HEATR5B: variants seen among roughly 807,000 people sequenced by gnomAD.
HEATR5B encodes HEAT repeat-containing protein 5B.
A neutral mutation model predicts 224.1 loss-of-function variants in HEATR5B; 156 were observed. The ratio of observed to expected loss-of-function variants is 0.70; its 90% CI spans 0.61 to 0.80. HEATR5B has a LOEUF of 0.80. HEATR5B is among the 30% of genes least tolerant of loss of function. The pLI is 0.00. For missense variants in HEATR5B, 2,323 were observed against 2,535.5 expected (o/e 0.92, Z 1.80); for synonymous variants, 1,027 against 893.0 (o/e 1.15, Z -2.68).
At chr2:36,986,149 T>C (rs1049407502) in intron 35 of HEATR5B, among the ~76,000 whole-genome samples, 1 of 152,194 alleles carries the variant, frequency 6.6e-6, no homozygotes, top group Admixed American at 6.5e-5. Flanking sequence ...TCCTCATCTT[T>C]ATGGAATTTA....
intron 10 of HEATR5B, among the ~76,000 whole-genome samples, chr2:37,062,652 C>A (rs577708916): frequency 6.6e-6 from 1 of 152,300 alleles, no homozygotes; most frequent in African/African-American, 2.4e-5. Context: ...AATAGGAATG[C>A]CTATCTCAGC....
At chr2:37,008,444 A>G in intron 28 of HEATR5B, 167 bp downstream of exon 28, 1 of 613,734 alleles carries the variant, frequency 1.6e-6, no homozygotes, top group Non-Finnish European at 2.9e-6. Context: ...TCTTCTATCT[A>G]CAAATTCAAT....
At chr2:37,028,325 A>G (rs1025399199) in intron 23 of HEATR5B, 151 bp from the exon 24 acceptor site, 1 of 500,052 alleles carries the variant, frequency 2.0e-6, no homozygotes, top group South Asian at 6.3e-5. Flanking sequence ...TTTTTTAAAC[A>G]ATCAAAAGCC....
intron 5 of HEATR5B, among the ~76,000 whole-genome samples, chr2:37,072,748 A>G (rs1671982458): frequency 6.6e-6 from 1 of 152,146 alleles, no homozygotes; most frequent in Non-Finnish European, 1.5e-5. Flanking sequence ...AGTCAGGCTG[A>G]TCAGGAAAAA....
At chr2:36,982,383 G>A (rs1431789056) in intron 35 of HEATR5B, among the ~76,000 whole-genome samples, 2 of 152,048 alleles carry the variant, frequency 1.3e-5, no homozygotes, top group East Asian at 1.9e-4. Flanking sequence ...GTATTTATTT[G>A]GAGGCTTCAT....
chr2:36,995,806 C>T (rs1049720486), intron 33 of HEATR5B, among the ~76,000 whole-genome samples: 2 of 152,172 alleles, frequency 1.3e-5, no homozygotes, highest in African/African-American at 4.8e-5. Context: ...ATAGTTATCA[C>T]ACATTTTCAT....
chr2:37,003,502 A>G (rs1416243152), intron 31 of HEATR5B, 40 bp downstream of exon 31: 6 of 1,399,596 alleles, frequency 4.3e-6, no homozygotes, highest in Non-Finnish European at 5.9e-6. Flanking sequence ...AGAGTATAAA[A>G]TAAGATTTAC....
chr2:37,029,432 G>C (rs905146678), intron 22 of HEATR5B, among the ~76,000 whole-genome samples: 7 of 152,212 alleles, frequency 4.6e-5, no homozygotes, highest in Admixed American at 4.6e-4. Flanking sequence ...GGGAGGCTGA[G>C]GCAGGTGGAT....
chr2:37,034,660 G>A (rs922197459), intron 21 of HEATR5B, among the ~76,000 whole-genome samples: 1 of 144,922 alleles, frequency 6.9e-6, no homozygotes, highest in African/African-American at 2.5e-5. Context: ...AGGCTGGTGT[G>A]CAGTGTCACA....
chr2:37,028,582 C>G (rs1181274137), intron 23 of HEATR5B, 99 bp downstream of exon 23: 1 of 866,242 alleles, frequency 1.2e-6, no homozygotes, highest in African/African-American at 1.7e-5. Flanking sequence ...TAAATAAAAC[C>G]TATAATTTAC....
chr2:37,038,234 G>A lies in HEATR5B; in HGVS notation c.3047-210C>T, dbSNP rs1250587041. ...GGCTCACTGCAACCTCCGCCTCCCA[G>A]GTTCAAGCAATTCTCCTGCCTCAGC... On this transcript the variant is annotated intron_variant, in intron 20 of 35. Transcript: ENST00000233099. Among the ~76,000 whole-genome samples the A allele has an allele frequency of 2.0e-5, 3 of 152,032 alleles. No individual in the cohort carries two copies. In the East Asian group the frequency reaches 5.8e-4, roughly 29 times the overall value.
intron 6 of HEATR5B, among the ~76,000 whole-genome samples, chr2:37,070,660 T>C (rs1671851755): frequency 6.6e-6 from 1 of 152,134 alleles, no homozygotes; most frequent in Non-Finnish European, 1.5e-5. Flanking sequence ...TGTAACACAA[T>C]AAGGACAAAG....
intron 12 of HEATR5B, among the ~76,000 whole-genome samples, chr2:37,059,438 GTGTGTGTGTA>G (rs1282208900): frequency 9.7e-5 from 8 of 82,486 alleles, no homozygotes; most frequent in South Asian, 5.3e-4. Flanking sequence ...GTGTGTGTGT[GTGTGTGTGTA>G]TATATATATA....
intron 27 of HEATR5B, among the ~76,000 whole-genome samples, chr2:37,010,169 A>G (rs1667698319): frequency 6.6e-6 from 1 of 152,194 alleles, no homozygotes; most frequent in African/African-American, 2.4e-5. Flanking sequence ...ACAAAGCTGA[A>G]TAACGTATTA....
chr2:37,069,237 GA>G (rs1671766447), intron 7 of HEATR5B, among the ~76,000 whole-genome samples: 1 of 152,150 alleles, frequency 6.6e-6, no homozygotes, highest in African/African-American at 2.4e-5. Context: ...ACAGAAACAA[GA>G]AAACCTTAAC....
chr2:36,997,420 C>T (rs1286501621), intron 33 of HEATR5B, among the ~76,000 whole-genome samples: 2 of 152,082 alleles, frequency 1.3e-5, no homozygotes, highest in Non-Finnish European at 2.9e-5. Context: ...AACTCCTCTG[C>T]TCAAGCGATC....
intron 18 of HEATR5B, among the ~76,000 whole-genome samples, chr2:37,043,098 T>C (rs1370243078): frequency 1.3e-5 from 2 of 152,182 alleles, no homozygotes; most frequent in African/African-American, 4.8e-5. Context: ...ATGTTAGAGT[T>C]GAGCAAACTT....
Position 37,008,752 on chromosome 2 carries a change from T to C in HEATR5B, c.4381A>G (p.Ile1461Val). ...AAACTATCTGGTGGCAGTTCATCGATGGTACCACAGTCGTCATCATCATCG... is the reference window on the plus strand; with the variant it reads ...AAACTATCTGGTGGCAGTTCATCGACGGTACCACAGTCGTCATCATCATCG... Reference protein sequence around the residue: ...TDDDDDDCGTIDELPPDSLIT... With the variant: ...TDDDDDDCGTVDELPPDSLIT... The change falls in exon 28 of 36, where the codon ATC (isoleucine) becomes GTC (valine). Residue 1461 changes from isoleucine (I) to valine (V), a missense_variant. Ile to Val is a conservative substitution (Grantham distance 29, BLOSUM62 3). Coordinates refer to ENST00000233099, the MANE Select transcript of HEATR5B (RefSeq NM_019024.3). The C allele has an allele frequency of 6.2e-7, 1 of 1,614,100 alleles. No individual in the cohort carries two copies. Among genetic ancestry groups the C allele is most frequent in the Non-Finnish European group, 8.5e-7 (1 of 1,179,940 alleles).
chr2:36,988,703 C>T lies in HEATR5B; in HGVS notation c.5854G>A (p.Val1952Ile). 1 of 1,614,104 alleles carries T rather than the reference C, an allele frequency of 6.2e-7. No homozygotes were observed. The highest frequency in any genetic ancestry group is 8.5e-7 in the Non-Finnish European group (1 of 1,179,994). Residue 1952 changes from valine to isoleucine, a missense_variant, in exon 35 of 36, where the codon GTT (valine) becomes ATT (isoleucine). Transcript: ENST00000233099. ...TCAAGAACTTTTATTCCTTCTTGAA[C>T]CGCTAAAAGCTCTATGTTACTGGCT... ...RPASNIELLAVQEGIKVLETL... is the reference protein window; with the variant it reads ...RPASNIELLAIQEGIKVLETL...
Sources: gnomAD v4.1 joint callset for allele counts (sites outside exome capture counted in the v4.1 genomes callset) on GRCh38, gnomAD v4.1.1 for gene constraint, MANE v1.5 for transcripts, NCBI Gene and HGNC (gene_info 2026-07-23, HGNC 2026-07-21) for gene names.